The following EYS variants were observed in gnomAD, a reference collection of about 807,000 sequenced individuals.
EYS encodes EGF-like photoreceptor maintenance factor.
In EYS, 250 loss-of-function variants were observed where a neutral mutation model predicts 282.1. The observed-to-expected ratio is 0.89, with a 90% confidence interval of 0.80 to 0.98. The LOEUF (loss-of-function observed/expected upper bound fraction) is 0.98. EYS is among the 50% of genes least tolerant of loss of function. The pLI is 0.00. For synonymous variants in EYS, 1,355 were observed against 1,282.9 expected (o/e 1.06, Z -1.20); for missense variants, 4,016 against 3,709.0 (o/e 1.08, Z -2.15).
In EYS at chr6:63,908,704, G is replaced by A. The variant is rs146928985; in HGVS notation, c.7056-44346C>T. Among the ~76,000 whole-genome samples, 13 of 152,176 alleles carry A rather than the reference G, an allele frequency of 8.5e-5. No homozygotes were observed. The East Asian group carries it at 2.5e-3, about 29-fold the overall frequency. Reference sequence around the variant, plus strand: ...GACCTCAGGTTATCCGCCCTCCTACGCCTCCCACAGTGCTGGGATTACAGA... The same window carrying A: ...GACCTCAGGTTATCCGCCCTCCTACACCTCCCACAGTGCTGGGATTACAGA... On this transcript the variant is annotated intron_variant, in intron 35 of 42. Coordinates refer to ENST00000503581, the MANE Select transcript of EYS (RefSeq NM_001142800.2).
intron 1 of EYS, among the ~76,000 whole-genome samples, chr6:65,655,814 C>T (rs1187382343): frequency 4.0e-5 from 6 of 151,726 alleles, no homozygotes; most frequent in Non-Finnish European, 8.8e-5. Flanking sequence ...TAATCTATTC[C>T]TGGCGAAGAT....
intron 12 of EYS, among the ~76,000 whole-genome samples, chr6:65,165,101 G>A (rs1764941447): frequency 6.6e-6 from 1 of 151,024 alleles, no homozygotes; most frequent in South Asian, 2.1e-4. Flanking sequence ...AAAATGCTTG[G>A]CAAATAAATT....
intron 29 of EYS, among the ~76,000 whole-genome samples, chr6:64,309,264 T>G (rs906781805): frequency 1.3e-5 from 2 of 152,102 alleles, no homozygotes; most frequent in Non-Finnish European, 2.9e-5. Flanking sequence ...TAAAGAGCCA[T>G]GAAAAATGGT....
intron 12 of EYS, among the ~76,000 whole-genome samples, chr6:65,247,942 A>G (rs147193563): frequency 1.4e-4 from 22 of 152,206 alleles, no homozygotes; most frequent in Admixed American, 5.2e-4. Flanking sequence ...TATTTTGGAA[A>G]AAAATGGGCC....
At chr6:65,613,476 T>C (rs866599920) in intron 2 of EYS, among the ~76,000 whole-genome samples, 1 of 151,870 alleles carries the variant, frequency 6.6e-6, no homozygotes, top group Non-Finnish European at 1.5e-5. Flanking sequence ...TCTGGTACAC[T>C]GGGTAAGATC....
chr6:64,762,680 C>T (rs1489497962), intron 22 of EYS, among the ~76,000 whole-genome samples: 1 of 151,290 alleles, frequency 6.6e-6, no homozygotes, highest in Admixed American at 6.6e-5. Flanking sequence ...AACACACACA[C>T]ATGCACACAC....
intron 26 of EYS, among the ~76,000 whole-genome samples, chr6:64,585,709 A>G (rs1403983504): frequency 6.6e-6 from 1 of 152,020 alleles, no homozygotes; most frequent in Non-Finnish European, 1.5e-5. Context: ...CATTTTCTGG[A>G]GCAATATAAC....
chr6:64,911,310 A>G (rs1767984032), intron 16 of EYS, among the ~76,000 whole-genome samples: 1 of 151,950 alleles, frequency 6.6e-6, no homozygotes, highest in Non-Finnish European at 1.5e-5. Flanking sequence ...ATTCTCTCAT[A>G]TGCTCTATAA....
At chr6:63,767,653 A>C (rs1319464316) in intron 40 of EYS, among the ~76,000 whole-genome samples, 1 of 152,098 alleles carries the variant, frequency 6.6e-6, no homozygotes, top group Non-Finnish European at 1.5e-5. Context: ...GGCTATACTG[A>C]CAAAAACAAT....
intron 12 of EYS, among the ~76,000 whole-genome samples, chr6:65,243,444 G>C (rs1395824404): frequency 6.6e-6 from 1 of 152,096 alleles, no homozygotes; most frequent in Non-Finnish European, 1.5e-5. Context: ...TTGCTTTGGA[G>C]CTTCTGAGCT....
intron 2 of EYS, among the ~76,000 whole-genome samples, chr6:65,614,305 C>T (rs1263903100): frequency 6.6e-6 from 1 of 151,906 alleles, no homozygotes; most frequent in Non-Finnish European, 1.5e-5. Flanking sequence ...ATACACAGGA[C>T]TAGTTAACAA....
intron 28 of EYS, among the ~76,000 whole-genome samples, chr6:64,421,858 G>GT (rs1554159213): frequency 5.7e-5 from 3 of 52,764 alleles, no homozygotes; most frequent in Admixed American, 2.0e-4. Context: ...TTTTGTTTGG[G>GT]GGGTGTGTGT....
At chr6:64,896,637 G>T (rs942427840) in intron 18 of EYS, among the ~76,000 whole-genome samples, 3 of 151,840 alleles carry the variant, frequency 2.0e-5, no homozygotes, top group Non-Finnish European at 2.9e-5. Context: ...TGAAGCCAGG[G>T]AGCCAAGTGG....
At chr6:65,095,158 G>C (rs962089746) in intron 12 of EYS, among the ~76,000 whole-genome samples, 13 of 151,146 alleles carry the variant, frequency 8.6e-5, no homozygotes, top group African/African-American at 3.1e-4. Context: ...AGCCTGATTA[G>C]GCCAATAACG....
intron 2 of EYS, among the ~76,000 whole-genome samples, chr6:65,585,848 A>C (rs1765025138): frequency 2.0e-5 from 3 of 152,008 alleles, no homozygotes; most frequent in Non-Finnish European, 4.4e-5. Context: ...TATAGAAAAA[A>C]ATACTAAAAG....
chr6:64,655,092 C>A (rs1768700224), intron 22 of EYS, among the ~76,000 whole-genome samples: 1 of 152,138 alleles, frequency 6.6e-6, no homozygotes, highest in Non-Finnish European at 1.5e-5. Flanking sequence ...ACTTATCATT[C>A]ATGTAATCAT....
chr6:64,954,852 A>T (rs1379888830), intron 14 of EYS, among the ~76,000 whole-genome samples: 4 of 152,154 alleles, frequency 2.6e-5, no homozygotes, highest in Non-Finnish European at 4.4e-5. Flanking sequence ...CTATATGCCA[A>T]AAGTGAACAA....
chr6:64,680,397 T>C (rs888925331), intron 22 of EYS, among the ~76,000 whole-genome samples: 1 of 152,198 alleles, frequency 6.6e-6, no homozygotes, highest in South Asian at 2.1e-4. Flanking sequence ...AATGTACTAA[T>C]TCAAATGAGT....
intron 12 of EYS, among the ~76,000 whole-genome samples, chr6:65,217,117 G>A (rs1766334512): frequency 6.6e-6 from 1 of 152,020 alleles, no homozygotes; most frequent in Admixed American, 6.6e-5. Flanking sequence ...TATCCGATCA[G>A]GAGATAGTAG....
Sources: allele counts gnomAD v4.1 joint callset (sites outside exome capture counted in the v4.1 genomes callset), GRCh38; gene constraint gnomAD v4.1.1; transcripts MANE v1.5; gene names NCBI Gene and HGNC (gene_info 2026-07-23, HGNC 2026-07-21).